The following STK26 variants were observed in gnomAD, a reference collection of about 807,000 sequenced individuals.
STK26 encodes serine/threonine-protein kinase 26.
In STK26, 14 loss-of-function variants were observed where a neutral mutation model predicts 34.7. The observed-to-expected ratio is 0.40, with a 90% confidence interval of 0.27 to 0.63. The LOEUF (loss-of-function observed/expected upper bound fraction) is 0.63, where lower values mean the gene tolerates loss of function less well. Ranked by LOEUF, STK26 falls within the 30% of genes least tolerant of loss-of-function variation. The pLI, the probability that STK26 is intolerant of heterozygous loss-of-function variation, is 0.38. For missense variants in STK26, 226 were observed against 309.1 expected (o/e 0.73, Z 2.02); for synonymous variants, 100 against 109.8 (o/e 0.91, Z 0.56).
intron 2 of STK26, among the ~76,000 whole-genome samples, chrX:132,039,986 G>A (rs1255681245): frequency 1.9e-4 from 21 of 111,752 alleles, no homozygotes; most frequent in South Asian, 3.7e-4. Flanking sequence ...TAGATGCACC[G>A]GAGAGCAGTT....
chrX:132,068,644 C>T, intron 6 of STK26, 75 bp downstream of exon 6: 2 of 984,067 alleles, frequency 2.0e-6, no homozygotes, highest in Non-Finnish European at 2.7e-6. Flanking sequence ...AGTTAATACA[C>T]TGCCTTATTT....
intron 3 of STK26, among the ~76,000 whole-genome samples, chrX:132,061,026 G>A (rs1277392479): frequency 2.7e-5 from 3 of 112,057 alleles, no homozygotes; most frequent in Non-Finnish European, 5.6e-5. Context: ...CACATTTCAA[G>A]CTTTCTATGA....
At chrX:132,070,613 A>T (rs1445367938) in intron 7 of STK26, among the ~76,000 whole-genome samples, 1 of 112,902 alleles carries the variant, frequency 8.9e-6, no homozygotes, top group African/African-American at 3.2e-5. Context: ...TGCAATAGAC[A>T]TTGATTTGTG....
chrX:132,035,233 G>A (rs1414904682), intron 2 of STK26, among the ~76,000 whole-genome samples: 1 of 111,134 alleles, frequency 9.0e-6, no homozygotes, highest in Non-Finnish European at 1.9e-5. Context: ...ATCTTTCCAA[G>A]AAGCTGAACT....
chrX:132,033,000 C>T (rs777901488), intron 2 of STK26, among the ~76,000 whole-genome samples: 52 of 111,386 alleles, frequency 4.7e-4, no homozygotes, highest in South Asian at 1.5e-3. Context: ...CTTCTTCCCA[C>T]CCCCAGCTTT....
chrX:132,046,724 C>T (rs959214734), intron 2 of STK26, among the ~76,000 whole-genome samples: 2 of 111,151 alleles, frequency 1.8e-5, no homozygotes, highest in African/African-American at 3.3e-5. Flanking sequence ...TCAAAACTGC[C>T]GTTTAAGTAG....
chrX:132,030,668 T>C (rs890418587), intron 2 of STK26, among the ~76,000 whole-genome samples: 2 of 101,920 alleles, frequency 2.0e-5, no homozygotes, highest in Admixed American at 2.1e-4. Flanking sequence ...GGTTCTACTG[T>C]TTTTTTTTTG....
intron 8 of STK26, 112 bp downstream of exon 8, chrX:132,071,329 A>G: frequency 1.2e-6 from 1 of 865,513 alleles, no homozygotes. Flanking sequence ...ATATTTTGAA[A>G]TTTCACCTTA....
At chrX:132,051,832 G>A (rs1250745311) in intron 2 of STK26, among the ~76,000 whole-genome samples, 1 of 109,926 alleles carries the variant, frequency 9.1e-6, no homozygotes, top group African/African-American at 3.3e-5. Context: ...ACTTATGAGT[G>A]AGAACATGCA....
chrX:132,025,380 T>C (rs138848822), intron 2 of STK26, among the ~76,000 whole-genome samples: 7,479 of 111,515 alleles, frequency 0.067, 368 homozygotes, highest in Admixed American at 0.19. Context: ...GGTTTCTGAT[T>C]TTTATTTTAT....
At chrX:132,028,556 T>G (rs1458215716) in intron 2 of STK26, among the ~76,000 whole-genome samples, 2 of 111,728 alleles carry the variant, frequency 1.8e-5, no homozygotes, top group African/African-American at 6.5e-5. Flanking sequence ...GCACTTCACT[T>G]GAAAATGAAG....
At chrX:132,027,887 A>ACT (rs1406267889) in intron 2 of STK26, among the ~76,000 whole-genome samples, 2 of 107,804 alleles carry the variant, frequency 1.9e-5, no homozygotes, top group Admixed American at 1.0e-4. Flanking sequence ...ACACGGTCTC[A>ACT]CTCTGTCACC....
intron 2 of STK26, among the ~76,000 whole-genome samples, chrX:132,027,482 G>A (rs1383356244): frequency 8.9e-6 from 1 of 111,732 alleles, no homozygotes; most frequent in African/African-American, 3.3e-5. Flanking sequence ...GGTTTATTGG[G>A]ACGTAACCAC....
At chrX:132,036,619 G>A (rs1466869426) in intron 2 of STK26, among the ~76,000 whole-genome samples, 1 of 111,404 alleles carries the variant, frequency 9.0e-6, no homozygotes, top group Non-Finnish European at 1.9e-5. Context: ...AATTTAAGCC[G>A]TATTTAATTA....
intron 3 of STK26, among the ~76,000 whole-genome samples, chrX:132,056,373 T>C (rs540447885): frequency 3.4e-4 from 38 of 112,183 alleles, no homozygotes; most frequent in African/African-American, 1.2e-3. Flanking sequence ...CTGGCTCCAA[T>C]GAGGGCATAG....
intron 2 of STK26, among the ~76,000 whole-genome samples, chrX:132,042,288 A>G (rs894437638): frequency 1.1e-4 from 12 of 111,342 alleles, no homozygotes; most frequent in African/African-American, 3.6e-4. Flanking sequence ...TGAAAATATG[A>G]CAATATTTAG....
At chrX:132,066,105 T>C (rs1011276280) in intron 4 of STK26, among the ~76,000 whole-genome samples, 2 of 111,918 alleles carry the variant, frequency 1.8e-5, no homozygotes, top group Non-Finnish European at 3.8e-5. Context: ...CAACTTGTCA[T>C]TTATGTTAAC....
At chrX:132,044,723 TTA>T (rs1204795626) in intron 2 of STK26, among the ~76,000 whole-genome samples, 10 of 47,144 alleles carry the variant, frequency 2.1e-4, no homozygotes, top group Non-Finnish European at 3.1e-4. Flanking sequence ...ATATATATAT[TTA>T]TATATATATA....
chrX:132,036,323 C>T lies in STK26; in HGVS notation c.42+12664C>T, dbSNP rs566867967. Among the ~76,000 whole-genome samples the T allele has an allele frequency of 4.4e-5, 5 of 112,449 alleles. No individual in the cohort carries two copies. In the Middle Eastern group the frequency reaches 0.018, roughly 415 times the overall value. On this transcript the variant is annotated intron_variant, in intron 2 of 11. Transcript: ENST00000394334. ...CTCTTAAAAAATTTTGGCTGGGCTC[C>T]GTGGCTCACGCCTGTAATCCCAGCA...
Sources: allele counts gnomAD v4.1 joint callset (sites outside exome capture counted in the v4.1 genomes callset), GRCh38; gene constraint gnomAD v4.1.1; transcripts MANE v1.5; gene names NCBI Gene and HGNC (gene_info 2026-07-23, HGNC 2026-07-21).